Variants in PRKCB observed in about 807,000 individuals in gnomAD.
The protein encoded by PRKCB is protein kinase C beta type.
In PRKCB, 13 loss-of-function variants were observed where a neutral mutation model predicts 81.5. The ratio of observed to expected loss-of-function variants is 0.16; its 90% CI spans 0.10 to 0.25. The LOEUF (loss-of-function observed/expected upper bound fraction) is 0.25, where lower values mean the gene tolerates loss of function less well. PRKCB is among the 10% of genes least tolerant of loss of function. PRKCB has a pLI of 1.00. For missense variants in PRKCB, 509 were observed against 875.7 expected (o/e 0.58, Z 5.29); for synonymous variants, 335 against 321.4 (o/e 1.04, Z -0.45).
At chr16:24,040,819 C>T (rs1261249950) in intron 5 of PRKCB, among the ~76,000 whole-genome samples, 3 of 152,168 alleles carry the variant, frequency 2.0e-5, no homozygotes, top group South Asian at 2.1e-4. Flanking sequence ...CCAGGTCCAA[C>T]GTCAACAGCA....
chr16:24,146,445 A>G (rs932213258), intron 9 of PRKCB, among the ~76,000 whole-genome samples: 1 of 152,222 alleles, frequency 6.6e-6, no homozygotes, highest in Admixed American at 6.5e-5. Flanking sequence ...TCTCCATTTT[A>G]TAAGATGAGG....
chr16:24,172,193 C>T, intron 10 of PRKCB, 77 bp from the exon 11 acceptor site: 1 of 1,038,064 alleles, frequency 9.6e-7, no homozygotes, highest in Non-Finnish European at 1.5e-6. Context: ...TCATAAATTC[C>T]AGCTCTTCCC....
In PRKCB at chr16:24,202,957, C is replaced by A. The variant is rs1340235972; in HGVS notation, c.1864-11701C>A. Among the ~76,000 whole-genome samples the A allele has an allele frequency of 2.6e-5, 4 of 152,198 alleles. No homozygotes were observed. The South Asian group carries it at 8.3e-4, about 32-fold the overall frequency. On this transcript the variant is annotated intron_variant, in intron 16 of 16. Coordinates refer to ENST00000643927, the MANE Select transcript of PRKCB (RefSeq NM_002738.7). Reference sequence around the variant, plus strand: ...TGGGGCCTGGTGCAGTGGCTCATGCCTGTAATTCCAGCACTTTGGGAGGTT... The same window carrying A: ...TGGGGCCTGGTGCAGTGGCTCATGCATGTAATTCCAGCACTTTGGGAGGTT...
At chr16:23,945,441 A>G (rs952775421) in intron 2 of PRKCB, among the ~76,000 whole-genome samples, 1 of 152,312 alleles carries the variant, frequency 6.6e-6, no homozygotes, top group South Asian at 2.1e-4. Flanking sequence ...GATATGATGA[A>G]TGACAGATGG....
chr16:24,146,503 T>C (rs1417308907), intron 9 of PRKCB, among the ~76,000 whole-genome samples: 1 of 152,184 alleles, frequency 6.6e-6, no homozygotes, highest in Non-Finnish European at 1.5e-5. Flanking sequence ...GTCGTACAGC[T>C]TGTATGTGGC....
chr16:24,067,537 C>T (rs1318478461), intron 5 of PRKCB, among the ~76,000 whole-genome samples: 4 of 152,100 alleles, frequency 2.6e-5, no homozygotes, highest in African/African-American at 7.2e-5. Flanking sequence ...GAGCTCAAGC[C>T]GTCTGCCCAT....
intron 5 of PRKCB, among the ~76,000 whole-genome samples, chr16:24,040,043 A>G: frequency 6.6e-6 from 1 of 152,174 alleles, no homozygotes; most frequent in East Asian, 1.9e-4. Context: ...AGCCCAGGAC[A>G]CTGCCGTTTG....
At chr16:24,007,261 C>T (rs2141834838) in intron 3 of PRKCB, among the ~76,000 whole-genome samples, 1 of 152,298 alleles carries the variant, frequency 6.6e-6, no homozygotes, top group Middle Eastern at 3.4e-3. Flanking sequence ...GCACATAGGA[C>T]ATGCTAGTTA....
intron 9 of PRKCB, among the ~76,000 whole-genome samples, chr16:24,154,100 G>A (rs1265980055): frequency 6.6e-6 from 1 of 152,160 alleles, no homozygotes; most frequent in East Asian, 1.9e-4. Context: ...TTCTAGCTGG[G>A]CATTGACACA....
At chr16:24,124,355 G>C (rs1966836680) in intron 9 of PRKCB, among the ~76,000 whole-genome samples, 1 of 152,204 alleles carries the variant, frequency 6.6e-6, no homozygotes, top group African/African-American at 2.4e-5. Flanking sequence ...GTCACTAGCA[G>C]AAGGAGGTAT....
intron 9 of PRKCB, among the ~76,000 whole-genome samples, chr16:24,126,040 A>G: frequency 6.6e-6 from 1 of 152,206 alleles, no homozygotes; most frequent in East Asian, 1.9e-4. Context: ...GAACTAGAAG[A>G]TTATGGAAGA....
intron 16 of PRKCB, chr16:24,203,180 A>C (rs1439619509): frequency 3.3e-5 from 5 of 151,848 alleles, no homozygotes; most frequent in Non-Finnish European, 5.9e-5. Flanking sequence ...TCGTGGTCAC[A>C]GCTTGCTGCA....
chr16:24,191,590 G>C (rs543010698), intron 16 of PRKCB: 1 of 169,334 alleles, frequency 5.9e-6, no homozygotes, highest in Non-Finnish European at 1.3e-5. Context: ...CTTTCTCTTG[G>C]TTCAACTGTG....
chr16:24,064,909 T>C (rs1344421940), intron 5 of PRKCB, among the ~76,000 whole-genome samples: 1 of 150,526 alleles, frequency 6.6e-6, no homozygotes, highest in Non-Finnish European at 1.5e-5. Flanking sequence ...ATGATGTGTG[T>C]GTTTATATGT....
At chr16:23,962,924 A>G (rs542334441) in intron 2 of PRKCB, 1 of 152,262 alleles carries the variant, frequency 6.6e-6, no homozygotes, top group East Asian at 1.9e-4. Context: ...GAGTCCTCAA[A>G]GTCCATTATA....
intron 2 of PRKCB, among the ~76,000 whole-genome samples, chr16:23,840,943 T>C (rs1319952775): frequency 6.6e-6 from 1 of 152,210 alleles, no homozygotes; most frequent in Admixed American, 6.5e-5. Context: ...GGAGGTAATT[T>C]AAGAATGTGT....
intron 2 of PRKCB, among the ~76,000 whole-genome samples, chr16:23,841,386 T>C (rs1962261265): frequency 6.6e-6 from 1 of 152,166 alleles, no homozygotes; most frequent in Admixed American, 6.5e-5. Context: ...GCTGTTTCTG[T>C]GGCATTCTTT....
chr16:24,105,839 A>G (rs1032621138), intron 7 of PRKCB, among the ~76,000 whole-genome samples: 6 of 152,176 alleles, frequency 3.9e-5, no homozygotes, highest in Admixed American at 3.3e-4. Flanking sequence ...ATAAACATAC[A>G]TGTGCATGTG....
intron 2 of PRKCB, among the ~76,000 whole-genome samples, chr16:23,862,628 A>G (rs777129702): frequency 5.9e-5 from 9 of 152,118 alleles, no homozygotes; most frequent in Non-Finnish European, 1.3e-4. Context: ...TTTACTTGTT[A>G]CCTATGGAAA....
Sources: gnomAD v4.1 joint callset for allele counts (sites outside exome capture counted in the v4.1 genomes callset) on GRCh38, gnomAD v4.1.1 for gene constraint, MANE v1.5 for transcripts, NCBI Gene and HGNC (gene_info 2026-07-23, HGNC 2026-07-21) for gene names.